Variants in SHANK2 observed in about 807,000 individuals in gnomAD.
SHANK2 encodes SH3 and multiple ankyrin repeat domains protein 2.
A neutral mutation model predicts 133.7 loss-of-function variants in SHANK2; 43 were observed. That is an observed-to-expected ratio of 0.32 (90% confidence interval 0.25 to 0.41). The LOEUF (loss-of-function observed/expected upper bound fraction) is 0.41, where lower values mean the gene tolerates loss of function less well. Among genes scored for constraint, SHANK2 ranks in the 10% least tolerant of loss-of-function variants. The pLI, the probability that SHANK2 is intolerant of heterozygous loss-of-function variation, is 1.00. For missense variants in SHANK2, 1,994 were observed against 2,235.8 expected (o/e 0.89, Z 2.18); for synonymous variants, 1,017 against 952.8 (o/e 1.07, Z -1.24).
Position 71,232,156 on chromosome 11 carries a change from A to G in SHANK2, c.-112-7360T>C, listed in dbSNP as rs577580953. Among the ~76,000 whole-genome samples the G allele has an allele frequency of 8.5e-5, 13 of 152,340 alleles. No homozygotes were observed. The East Asian group carries it at 2.5e-3, about 29-fold the overall frequency. ...ACTTACTGTGTGATTCCATTTCTGT[A>G]TAATTACTGAAACGACAAAATTACA... On this transcript the variant is annotated intron_variant, in intron 1 of 25. Coordinates refer to ENST00000601538, the MANE Select transcript of SHANK2 (RefSeq NM_012309.5).
chr11:70,589,006 A>T (rs2060288752), intron 17 of SHANK2, among the ~76,000 whole-genome samples: 1 of 152,102 alleles, frequency 6.6e-6, no homozygotes, highest in Non-Finnish European at 1.5e-5. Flanking sequence ...TTTAGTAGAG[A>T]CGGGGTTTCA....
At chr11:71,169,096 G>A (rs1000168084) in intron 2 of SHANK2, among the ~76,000 whole-genome samples, 1 of 152,126 alleles carries the variant, frequency 6.6e-6, no homozygotes, top group Non-Finnish European at 1.5e-5. Flanking sequence ...TCCACCACAG[G>A]GATGGAAGGG....
intron 3 of SHANK2, among the ~76,000 whole-genome samples, chr11:71,145,250 G>C (rs7946431): frequency 0.071 from 10,742 of 152,148 alleles, 862 homozygotes; most frequent in African/African-American, 0.2. Flanking sequence ...AAGAAGAACC[G>C]TCTTGCGCTA....
At chr11:71,242,050 C>A (rs1316378902) in intron 1 of SHANK2, among the ~76,000 whole-genome samples, 2 of 152,174 alleles carry the variant, frequency 1.3e-5, no homozygotes, top group African/African-American at 4.8e-5. Flanking sequence ...GAATATTACT[C>A]AGCCACAAAA....
chr11:70,727,563 T>C (rs1946202027), intron 14 of SHANK2, among the ~76,000 whole-genome samples: 1 of 152,202 alleles, frequency 6.6e-6, no homozygotes. Flanking sequence ...GCCCTATTGC[T>C]TTGTAGCTTA....
At chr11:70,827,692 C>A (rs782045750) in intron 11 of SHANK2, among the ~76,000 whole-genome samples, 1 of 2,208 alleles carries the variant, frequency 4.5e-4, no homozygotes, top group African/African-American at 1.2e-3. Context: ...AAATTTAAAA[C>A]ACACACACAC....
At chr11:70,724,039 C>CT (rs11342822) in intron 14 of SHANK2, among the ~76,000 whole-genome samples, 192 of 143,880 alleles carry the variant, frequency 1.3e-3, no homozygotes, top group Middle Eastern at 7.1e-3. Flanking sequence ...AAAGTTCATT[C>CT]TTTTTTTTTT....
In SHANK2 at chr11:70,820,466, A is replaced by G. The variant is rs782809239; in HGVS notation, c.1391T>C (p.Ile464Thr). 1.4e-4 allele frequency: 97 copies of G among 716,434 alleles called. No individual in the cohort carries two copies. Among genetic ancestry groups the G allele is most frequent in the South Asian group, 1.9e-4 (13 of 67,544 alleles). The allele number at this position is 716,434 out of a possible 1,614,324, so 44.4% of individuals were successfully genotyped here. A position where few individuals can be genotyped will look rare whatever the true frequency, so the allele number is the denominator to read the frequency against. The change falls in exon 12 of 26, where the codon ATT (isoleucine) becomes ACT (threonine). Residue 464 changes from isoleucine (I) to threonine (T), a missense_variant. Coordinates refer to ENST00000601538, the MANE Select transcript of SHANK2 (RefSeq NM_012309.5). ...PSKPEGAAKT[I>T]GSYVPGPRSR... Reference sequence around the variant, plus strand: ...GCGGGGCCCGGGCACGTAGCTCCCAATGGTCTTCGCGGCCCCCTCGGGCTT... The same window carrying G: ...GCGGGGCCCGGGCACGTAGCTCCCAGTGGTCTTCGCGGCCCCCTCGGGCTT...
intron 21 of SHANK2, among the ~76,000 whole-genome samples, chr11:70,492,787 GTTTTTT>G (rs34452642): frequency 1.6e-4 from 11 of 70,594 alleles, no homozygotes; most frequent in Non-Finnish European, 2.7e-4. Context: ...ACATTTCTGT[GTTTTTT>G]TTTTTTTTTT....
intron 8 of SHANK2, among the ~76,000 whole-genome samples, chr11:71,089,658 C>T (rs1405888772): frequency 1.3e-5 from 2 of 151,854 alleles, no homozygotes; most frequent in Non-Finnish European, 2.9e-5. Context: ...GTGGTGCACC[C>T]GGAATGGCTG....
intron 17 of SHANK2, among the ~76,000 whole-genome samples, chr11:70,534,928 C>A (rs1473884999): frequency 6.6e-6 from 1 of 151,988 alleles, no homozygotes; most frequent in Non-Finnish European, 1.5e-5. Flanking sequence ...TAGTCAAGTT[C>A]GTTAGCTATG....
chr11:71,202,177 T>G (rs1203453932), intron 2 of SHANK2, among the ~76,000 whole-genome samples: 2 of 152,216 alleles, frequency 1.3e-5, no homozygotes, highest in Non-Finnish European at 2.9e-5. Flanking sequence ...GGCATCTGCA[T>G]GGGCCTGGTG....
chr11:70,695,340 T>G (rs1488899608), intron 15 of SHANK2, among the ~76,000 whole-genome samples: 2 of 145,884 alleles, frequency 1.4e-5, no homozygotes, highest in Non-Finnish European at 3.0e-5. Context: ...TCTACCACAG[T>G]AAGAAAAAAT....
chr11:70,772,473 T>C (rs188597654), intron 14 of SHANK2, among the ~76,000 whole-genome samples: 18 of 151,638 alleles, frequency 1.2e-4, no homozygotes, highest in Admixed American at 3.3e-4. Flanking sequence ...ATTCCATGCC[T>C]CTGAAAGAGT....
chr11:71,154,639 G>A (rs1393795107), intron 2 of SHANK2, among the ~76,000 whole-genome samples: 1 of 152,320 alleles, frequency 6.6e-6, no homozygotes, highest in East Asian at 1.9e-4. Flanking sequence ...CCAAATACTG[G>A]AGGGGTGAAC....
chr11:70,781,384 G>T (rs1304288813), intron 14 of SHANK2, among the ~76,000 whole-genome samples: 2 of 150,956 alleles, frequency 1.3e-5, no homozygotes, highest in Non-Finnish European at 3.0e-5. Flanking sequence ...CCACTGCCTG[G>T]TGCAAACCTC....
At chr11:71,216,820 C>T (rs1457032575) in intron 2 of SHANK2, among the ~76,000 whole-genome samples, 1 of 152,170 alleles carries the variant, frequency 6.6e-6, no homozygotes, top group Non-Finnish European at 1.5e-5. Context: ...TTTGTAGGTA[C>T]ATAGTACTCA....
intron 3 of SHANK2, among the ~76,000 whole-genome samples, chr11:71,145,903 C>A (rs782683576): frequency 4.6e-5 from 7 of 152,172 alleles, no homozygotes; most frequent in Non-Finnish European, 8.8e-5. Context: ...TCCTTTAACC[C>A]AAAGCTAAAA....
intron 1 of SHANK2, among the ~76,000 whole-genome samples, chr11:71,248,436 G>T (rs192803291): frequency 6.6e-6 from 1 of 152,314 alleles, no homozygotes; most frequent in South Asian, 2.1e-4. Context: ...ACCACCGGGC[G>T]GTGTGGGGTC....
Sources: gnomAD v4.1 joint callset for allele counts (sites outside exome capture counted in the v4.1 genomes callset) on GRCh38, gnomAD v4.1.1 for gene constraint, MANE v1.5 for transcripts, NCBI Gene and HGNC (gene_info 2026-07-23, HGNC 2026-07-21) for gene names.